The following CHIT1 variants were observed in gnomAD, a reference collection of about 807,000 sequenced individuals.
CHIT1 encodes chitinase 1, also known as chitotriosidase-1.
Under a neutral mutation model 52.0 loss-of-function variants are expected in CHIT1, and 47 were observed. The ratio of observed to expected loss-of-function variants is 0.90; its 90% confidence interval spans 0.71 to 1.15. CHIT1 has a LOEUF of 1.15. CHIT1 is among the 50% of genes most tolerant of loss of function. The pLI is 0.00. For missense variants in CHIT1, 569 were observed against 583.0 expected (o/e 0.98, Z 0.25); for synonymous variants, 242 against 228.2 (o/e 1.06, Z -0.54).
chr1:203,228,100 A>G (rs1346298454), intron 2 of CHIT1, among the ~76,000 whole-genome samples: 1 of 152,172 alleles, frequency 6.6e-6, no homozygotes, highest in East Asian at 1.9e-4. Flanking sequence ...GTCCTCGCAG[A>G]GCTAAGGGGC....
rs193156676 is a variant in CHIT1, at chr1:203,222,253, G to T, written c.678C>A (p.Ser226Arg). ...TCTCTTCTTGCCTCTTGTAGAGGGG[G>T]CTGTTATGTCCCGTGACCTTCTCCC... ...GSWEKVTGHN[S>R]PLYKRQEESG... The change falls in exon 7 of 11, where the codon AGC becomes AGA. Residue 226 changes from serine (S) to arginine (R), a missense_variant. Coordinates refer to ENST00000367229, the MANE Select transcript of CHIT1 (RefSeq NM_003465.3). 54 of 1,614,212 alleles carry T rather than the reference G, an allele frequency of 3.3e-5. No homozygotes were observed. The Admixed American group carries it at 8.8e-4, about 26-fold the overall frequency.
intron 2 of CHIT1, among the ~76,000 whole-genome samples, chr1:203,228,118 G>A (rs774982452): frequency 9.8e-5 from 15 of 152,342 alleles, no homozygotes; most frequent in African/African-American, 3.6e-4. Context: ...GGCTGGGGAT[G>A]CTGAACCAGA....
intron 9 of CHIT1, 160 bp from the exon 10 acceptor site, chr1:203,218,025 T>C: frequency 1.3e-6 from 2 of 1,533,508 alleles, no homozygotes; most frequent in Non-Finnish European, 8.7e-7. Flanking sequence ...GGAGCCTGGA[T>C]GCTGAGTCCT....
chr1:203,218,213 T>TGGTCAA (rs142759151), intron 9 of CHIT1: 175,867 of 704,478 alleles, frequency 0.25, 35,474 homozygotes, highest in East Asian at 0.78. Context: ...TATTGTATGC[T>TGGTCAA]GGTCAAGGTC....
rs1318857849 is a variant in CHIT1, at chr1:203,216,658, C to T, written c.*231G>A. The T allele has an allele frequency of 1.6e-6, 1 of 634,536 alleles. No homozygotes were observed. The highest frequency in any genetic ancestry group is 1.5e-5 in the South Asian group (1 of 66,222). The allele number at this position is 634,536 out of a possible 1,614,324, so 39.3% of individuals were successfully genotyped here. A position where few individuals can be genotyped will look rare whatever the true frequency, so the allele number is the denominator to read the frequency against. ...GCTTAGAGAGCCTCTTAAGTCACCA[C>T]ATCTTTGGGAAGAGGGGCACAAACC... On this transcript the variant is annotated 3_prime_UTR_variant, in exon 11 of 11. Transcript: ENST00000367229.
At chr1:203,228,349 A>G (rs1657002054) in intron 2 of CHIT1, among the ~76,000 whole-genome samples, 184 bp downstream of exon 2, 1 of 152,194 alleles carries the variant, frequency 6.6e-6, no homozygotes, top group Non-Finnish European at 1.5e-5. Flanking sequence ...GCTAATGGAT[A>G]AGGAGGCAAG....
chr1:203,228,928 G>A (rs914324598), intron 1 of CHIT1, among the ~76,000 whole-genome samples: 1 of 152,182 alleles, frequency 6.6e-6, no homozygotes, highest in Non-Finnish European at 1.5e-5. Context: ...GCCTGTTTTG[G>A]GGCTAGAAAG....
chr1:203,224,991 A>G (rs1216934028), intron 4 of CHIT1, 57 bp downstream of exon 4: 3 of 1,494,570 alleles, frequency 2.0e-6, no homozygotes, highest in South Asian at 2.3e-5. Flanking sequence ...CCCTCTGGCC[A>G]GTGCACCAGG....
chr1:203,217,931 C>A, intron 9 of CHIT1, 66 bp from the exon 10 acceptor site: 1 of 1,560,914 alleles, frequency 6.4e-7, no homozygotes, highest in African/African-American at 1.4e-5. Context: ...CAGAGCCTGG[C>A]TACCTCTTCT....
chr1:203,226,438 G>A lies in CHIT1; in HGVS notation c.56-568C>T, dbSNP rs73068219. Among the ~76,000 whole-genome samples, 679 of 152,312 alleles carry A rather than the reference G, an allele frequency of 4.5e-3. 5 individuals carry two copies. The highest frequency in any genetic ancestry group is 0.014 in the African/African-American group (582 of 41,558). On this transcript the variant is annotated intron_variant, in intron 2 of 10. Transcript: ENST00000367229. Reference sequence around the variant, plus strand: ...GAAGGCAGGCAGAACTTTCAAAAACGGTTTGGAATACCTCAGAATACTTCG... The same window carrying A: ...GAAGGCAGGCAGAACTTTCAAAAACAGTTTGGAATACCTCAGAATACTTCG...
intron 2 of CHIT1, among the ~76,000 whole-genome samples, chr1:203,226,279 G>A (rs1656926662): frequency 6.6e-6 from 1 of 152,178 alleles, no homozygotes; most frequent in South Asian, 2.1e-4. Flanking sequence ...CCAGGATCAG[G>A]GTCTGGCAGG....
Position 203,216,972 on chromosome 1 carries a change from A to G in CHIT1, c.1318T>C (p.Cys440Arg), listed in dbSNP as rs1195553087. 1 of 1,614,072 alleles carries G rather than the reference A, an allele frequency of 6.2e-7. No homozygotes were observed. Among genetic ancestry groups the G allele is most frequent in the South Asian group, 1.1e-5 (1 of 91,090 alleles). The change falls in exon 11 of 11, where the codon TGT becomes CGT. Residue 440 changes from cysteine (C) to arginine (R), a missense_variant. Cys to Arg is a radical substitution (Grantham distance 180, BLOSUM62 -3). Coordinates refer to ENST00000367229, the MANE Select transcript of CHIT1 (RefSeq NM_003465.3). The stretch of plus-strand genomic sequence containing the variant: ...TGCTGGAACAGCCGCCCCGCTGCAC[A>G]GCTGTAGAAGCTGGACCGTTCCCGA... ...NPRERSSFYS[C>R]AAGRLFQQSC...
intron 4 of CHIT1, among the ~76,000 whole-genome samples, chr1:203,223,876 G>A (rs1274923429): frequency 6.6e-6 from 1 of 152,068 alleles, no homozygotes; most frequent in Non-Finnish European, 1.5e-5. Flanking sequence ...TTCTACCCCC[G>A]AACATCGACA....
intron 9 of CHIT1, 185 bp from the exon 10 acceptor site, chr1:203,218,050 A>G (rs1335028422): frequency 2.0e-6 from 3 of 1,528,412 alleles, no homozygotes; most frequent in Non-Finnish European, 2.6e-6. Context: ...CTGCTTGGAC[A>G]TCAGTCATTT....
intron 6 of CHIT1, among the ~76,000 whole-genome samples, chr1:203,222,799 G>A (rs966145145): frequency 9.2e-5 from 14 of 152,100 alleles, no homozygotes; most frequent in African/African-American, 3.4e-4. Context: ...GAGGAGCAAG[G>A]ATCCAGAAAA....
chr1:203,222,117 A>G, intron 7 of CHIT1, 85 bp downstream of exon 7: 1 of 1,585,794 alleles, frequency 6.3e-7, no homozygotes, highest in East Asian at 2.2e-5. Context: ...CTTTTTTCCC[A>G]TGAGGGCCTC....
chr1:203,217,123 G>A lies in CHIT1; in HGVS notation c.1167C>T (p.Tyr389=), dbSNP rs1046164353. 5.6e-6 allele frequency: 9 copies of A among 1,605,842 alleles called. No individual in the cohort carries two copies. Among genetic ancestry groups the A allele is most frequent in the Non-Finnish European group, 7.6e-6 (9 of 1,179,974 alleles). The change falls in exon 11 of 11, where the codon TAC becomes TAT. Residue 389 remains tyrosine, a synonymous_variant. Transcript: ENST00000367229. ...CAAGCTCTGGGGTGCCTGAAGGCAA[G>A]TATGGAAGACCTGGGAAGACAGTGA... is the stretch of plus-strand genomic sequence containing the variant. ...QTLRQELSLP[Y]LPSGTPELEV...
chr1:203,219,950 TC>T, intron 7 of CHIT1, 101 bp from the exon 8 acceptor site: 4 of 1,405,694 alleles, frequency 2.8e-6, no homozygotes, highest in Non-Finnish European at 3.9e-6. Flanking sequence ...CAGGGGCTCC[TC>T]AGCTGGAGCT....
rs1049485272 is a variant in CHIT1 at position 203,223,381 on chromosome 1, T to C, written c.480+114A>G. 25 of 1,597,502 alleles carry C rather than the reference T, an allele frequency of 1.6e-5. No homozygotes were observed. The South Asian group carries it at 2.4e-4, about 16-fold the overall frequency. ...CTGGCCACAGGGCTGATCTGTGCCA[T>C]GCAGATACGTGAAGCAGCTGGCTCT... On this transcript the variant is annotated intron_variant, in intron 5 of 10. Transcript: ENST00000367229.
Sources: gnomAD v4.1 joint callset for allele counts (sites outside exome capture counted in the v4.1 genomes callset) on GRCh38, gnomAD v4.1.1 for gene constraint, MANE v1.5 for transcripts, NCBI Gene and HGNC (gene_info 2026-07-23, HGNC 2026-07-21) for gene names.